The following SPRY4 variants were observed in gnomAD, a reference collection of about 807,000 sequenced individuals.
SPRY4 encodes protein sprouty homolog 4.
A neutral mutation model predicts 17.0 loss-of-function variants in SPRY4; 7 were observed. The ratio of observed to expected loss-of-function variants is 0.41; its 90% CI spans 0.23 to 0.77. The LOEUF is 0.77. Among genes scored for constraint, SPRY4 ranks in the 30% least tolerant of loss-of-function variants. The pLI is 0.32. For missense variants in SPRY4, 435 were observed against 419.9 expected (o/e 1.04, Z -0.31); for synonymous variants, 183 against 174.1 (o/e 1.05, Z -0.40).
rs1759486258 is a variant in SPRY4, at chr5:142,325,019, T to C, written c.-223A>G. ...CAGCTCGCTACCTCCGCGGCGATGT[T>C]GCAACCACTGCCTGGGAAAATGGCT... On this transcript the variant is annotated 5_prime_UTR_variant, in exon 1 of 2. Coordinates refer to ENST00000434127, the MANE Select transcript of SPRY4 (RefSeq NM_001127496.3). The C allele has an allele frequency of 1.3e-5, 2 of 152,766 alleles. No individual in the cohort carries two copies. The highest frequency in any genetic ancestry group is 2.4e-5 in the African/African-American group (1 of 41,586). 9.5% of individuals were successfully genotyped at this position (152,766 alleles called of 1,614,324 possible). A position where few individuals can be genotyped will look rare whatever the true frequency, so the allele number is the denominator to read the frequency against.
chr5:142,324,020 G>C (rs1759440038), intron 1 of SPRY4: 1 of 152,508 alleles, frequency 6.6e-6, no homozygotes, highest in Non-Finnish European at 1.5e-5. Context: ...TTATGTAAAC[G>C]CACCTTCAAC....
rs549037344 is a variant in SPRY4, at chr5:142,311,681, C to T, written c.*2528G>A. 4.0e-5 allele frequency: 2 copies of T among 49,470 alleles called. No individual in the cohort carries two copies. The highest frequency in any genetic ancestry group is 7.3e-4 in the South Asian group (1 of 1,378). 3.1% of individuals were successfully genotyped at this position (49,470 alleles called of 1,614,324 possible). A position where few individuals can be genotyped will look rare whatever the true frequency, so the allele number is the denominator to read the frequency against. ...GGGAGAACCAAGGATGGTTCCTTCG[C>T]TCCTTTCCCATGACCACTGAGCACA... On this transcript the variant is annotated 3_prime_UTR_variant, in exon 2 of 2. Transcript: ENST00000434127.
chr5:142,317,426 C>T (rs921351216), intron 1 of SPRY4: 9 of 985,232 alleles, frequency 9.1e-6, no homozygotes, highest in African/African-American at 5.2e-5. Context: ...CCCTCACCCC[C>T]GGACAATGAT....
Position 142,317,419 on chromosome 5 carries a change from T to A in SPRY4, c.-47-2264A>T, listed in dbSNP as rs1759191419. ...GATTCTCCAGCACCAGCCAGAACCC[T>A]CACCCCCGGACAATGATAACATGAG... is the stretch of plus-strand genomic sequence containing the variant. On this transcript the variant is annotated intron_variant, in intron 1 of 1. Coordinates refer to ENST00000434127, the MANE Select transcript of SPRY4 (RefSeq NM_001127496.3). 16 of 985,340 alleles carry A rather than the reference T, an allele frequency of 1.6e-5. No homozygotes were observed. In the South Asian group the frequency reaches 5.6e-4, roughly 35 times the overall value. 61.0% of individuals were successfully genotyped at this position (985,340 alleles called of 1,614,324 possible). A position where few individuals can be genotyped will look rare whatever the true frequency, so the allele number is the denominator to read the frequency against.
intron 1 of SPRY4, chr5:142,317,088 A>C: frequency 1.0e-6 from 1 of 985,454 alleles, no homozygotes; most frequent in South Asian, 4.7e-5. Context: ...TCTGCCACCA[A>C]AGAGTAGCCA....
Position 142,312,950 on chromosome 5 carries a change from T to C in SPRY4, c.*1259A>G, listed in dbSNP as rs538626015. ...TTCCGACTCCCCTGCTGGGGCTTCC[T>C]AACACTAAAATAGACTCTTTTTTCA... On this transcript the variant is annotated 3_prime_UTR_variant, in exon 2 of 2. Transcript: ENST00000434127. 6.5e-6 allele frequency: 1 copy of C among 152,742 alleles called. No individual in the cohort carries two copies. Among genetic ancestry groups the C allele is most frequent in the East Asian group, 1.9e-4 (1 of 5,180 alleles). The allele number at this position is 152,742 out of a possible 1,614,324, so 9.5% of individuals were successfully genotyped here.
Position 142,311,198 on chromosome 5 carries a change from CA to C in SPRY4, c.*3010del, listed in dbSNP as rs3839201. 123,910 of 151,994 alleles carry C rather than the reference CA, an allele frequency of 0.82. 50,658 individuals are homozygous for C. The highest frequency in any genetic ancestry group is 0.93 in the East Asian group (4,747 of 5,130). 9.4% of individuals were successfully genotyped at this position (151,994 alleles called of 1,614,324 possible). On this transcript the variant is annotated 3_prime_UTR_variant, in exon 2 of 2. Coordinates refer to ENST00000434127, the MANE Select transcript of SPRY4 (RefSeq NM_001127496.3). ...TGCTCAGGAAAGCCTTAGTTGTGCC[CA>C]ATCTTTTCTCTGGGAGGGCTTTGCT...
At chr5:142,319,796 T>A in intron 1 of SPRY4, 1 of 1,609,202 alleles carries the variant, frequency 6.2e-7, no homozygotes, top group Non-Finnish European at 8.5e-7. Context: ...ACAGGCTGGC[T>A]GAAAAGAATC....
intron 1 of SPRY4, 172 bp from the exon 2 acceptor site, chr5:142,315,327 CAAG>C (rs1304696178): frequency 1.7e-6 from 1 of 575,496 alleles, no homozygotes; most frequent in African/African-American, 1.9e-5. Context: ...TTAATAATGA[CAAG>C]AAGTCAGTGG....
At chr5:142,317,332 T>G in intron 1 of SPRY4, 7 of 985,448 alleles carry the variant, frequency 7.1e-6, no homozygotes, top group Non-Finnish European at 8.4e-6. Context: ...GGTCCAGCAC[T>G]GAGGACGCTG....
At chr5:142,319,636 T>G in intron 1 of SPRY4, 1 of 1,445,410 alleles carries the variant, frequency 6.9e-7, no homozygotes, top group South Asian at 1.4e-5. Flanking sequence ...CCTAGAATAC[T>G]GAATCAGCAG....
At position 142,314,558 on chromosome 5, in the gene SPRY4, T is replaced by C. The variant is rs1172592003; in HGVS notation, c.551A>G (p.Gln184Arg). 6.2e-7 allele frequency: 1 copy of C among 1,614,256 alleles called. No homozygotes were observed. Among genetic ancestry groups the C allele is most frequent in the Admixed American group, 1.7e-5 (1 of 60,034 alleles). The part of the protein sequence containing the change: ...RTLPSCWVCN[Q>R]ECLCSAQTLV... ...AGTCTGGGCTGAGCACAGGCACTCC[T>C]GGTTGCAGACCCAGCAGGAAGGCAA... Residue 184 changes from glutamine (Q) to arginine (R), a missense_variant, in exon 2 of 2, where the codon CAG becomes CGG. By Grantham distance (43) the Gln-to-Arg change is conservative. Coordinates refer to ENST00000434127, the MANE Select transcript of SPRY4 (RefSeq NM_001127496.3). This position sits in a 1 kb window ranked among gnomAD's most constrained non-coding sequence, Gnocchi z 4.8.
chr5:142,318,375 A>C (rs926368579), intron 1 of SPRY4, among the ~76,000 whole-genome samples: 1 of 151,972 alleles, frequency 6.6e-6, no homozygotes. Context: ...AATCCCAGTT[A>C]CTTGGGAGGC....
At chr5:142,317,945 T>A in intron 1 of SPRY4, 2 of 985,382 alleles carry the variant, frequency 2.0e-6, no homozygotes, top group Non-Finnish European at 2.4e-6. Flanking sequence ...ATGGCTCCAC[T>A]GGGCATATTC....
chr5:142,324,368 G>C (rs1473868879), intron 1 of SPRY4: 1 of 152,304 alleles, frequency 6.6e-6, no homozygotes, highest in East Asian at 1.9e-4. Flanking sequence ...GCTACGGCGG[G>C]CTGGGAGATA....
Position 142,314,479 on chromosome 5 carries a change from G to A in SPRY4, c.630C>T (p.Cys210=). 1.9e-6 allele frequency: 3 copies of A among 1,614,202 alleles called. No homozygotes were observed. Among genetic ancestry groups the A allele is most frequent in the East Asian group, 2.2e-5 (1 of 44,872 alleles). The stretch of plus-strand genomic sequence containing the variant: ...AGGAGCCCTCATCGTCCTCATTCGT[G>A]CAGTGGTAGAAGATGCCCTGCACCA... ...MCLVQGIFYH[C]TNEDDEGSCA... is the part of the protein sequence containing the mutation. The change falls in exon 2 of 2, where the codon TGC becomes TGT. Residue 210 remains cysteine (C), a synonymous_variant. Coordinates refer to ENST00000434127, the MANE Select transcript of SPRY4 (RefSeq NM_001127496.3). The surrounding 1 kb of genome is among the most constrained non-coding windows in gnomAD (Gnocchi z 4.8).
rs919969220 is a variant in SPRY4, at chr5:142,318,441, G to C, written c.-47-3286C>G. Among the ~76,000 whole-genome samples the C allele has an allele frequency of 4.6e-5, 7 of 150,844 alleles. 1 individual carries two copies. Among genetic ancestry groups the C allele is most frequent in the Admixed American group, 2.7e-4 (4 of 15,090 alleles). On this transcript the variant is annotated intron_variant, in intron 1 of 1. Coordinates refer to ENST00000434127, the MANE Select transcript of SPRY4 (RefSeq NM_001127496.3). ...GCGGAGGTTGCTGTGAGCCAATATC[G>C]CACCACTGCACTCTAGCCTGAGTGA...
intron 1 of SPRY4, among the ~76,000 whole-genome samples, chr5:142,322,159 G>A (rs1759363219): frequency 6.6e-6 from 1 of 152,184 alleles, no homozygotes; most frequent in Non-Finnish European, 1.5e-5. Flanking sequence ...ACATCTCTCC[G>A]CCAATTCTGG....
chr5:142,317,446 C>T, intron 1 of SPRY4: 1 of 985,382 alleles, frequency 1.0e-6, no homozygotes, highest in Non-Finnish European at 1.2e-6. Flanking sequence ...TAACATGAGT[C>T]CCTTGTTCCA....
Sources: gnomAD v4.1 joint callset for allele counts (sites outside exome capture counted in the v4.1 genomes callset) on GRCh38, gnomAD v4.1.1 for gene constraint, Gnocchi (gnomAD v3.1) non-coding constraint, MANE v1.5 for transcripts, NCBI Gene and HGNC (gene_info 2026-07-23, HGNC 2026-07-21) for gene names.